The following DCHS1 variants were observed in gnomAD, a reference collection of about 807,000 sequenced individuals.
DCHS1 encodes protocadherin-16.
DCHS1 carries 78 observed loss-of-function variants against 213.9 expected under a neutral mutation model. That is an observed-to-expected ratio of 0.36 (90% CI 0.30 to 0.44). The LOEUF (loss-of-function observed/expected upper bound fraction) is 0.44. Among genes scored for constraint, DCHS1 ranks in the 20% least tolerant of loss-of-function variants. DCHS1 has a pLI of 1.00. For missense variants in DCHS1, 3,946 were observed against 4,395.9 expected (o/e 0.90, Z 2.89); for synonymous variants, 1,828 against 1,873.7 (o/e 0.98, Z 0.63).
chr11:6,622,243 C>T lies in DCHS1; in HGVS notation c.9433G>A (p.Gly3145Ser). ...CCGGCCACAATGGCTGTCAGCGCAC[C>T]TGCCACACATGGCTTGCCATCTGCT... ...FPADGKPCVAGALTAIVAGEE... is the reference protein window; with the variant it reads ...FPADGKPCVASALTAIVAGEE... Residue 3145 changes from glycine to serine, a missense_variant, in exon 21 of 21, where the codon GGT becomes AGT. Gly to Ser is a moderately conservative substitution (Grantham distance 56). This residue lies in a region of DCHS1 where 554 missense variants were observed against 590.2 expected (regional missense o/e 0.94). Transcript: ENST00000299441. This position sits in a 1 kb window ranked among gnomAD's most constrained non-coding sequence, Gnocchi z 5.4. 6.2e-7 allele frequency: 1 copy of T among 1,602,938 alleles called. No individual in the cohort carries two copies. The highest frequency in any genetic ancestry group is 1.1e-5 in the South Asian group (1 of 89,646).
In DCHS1 at chr11:6,640,259, A is replaced by T. The variant is rs749895104; in HGVS notation, c.1355T>A (p.Leu452Gln). 6.2e-7 allele frequency: 1 copy of T among 1,610,504 alleles called. No homozygotes were observed. Among genetic ancestry groups the T allele is most frequent in the Non-Finnish European group, 8.5e-7 (1 of 1,178,352 alleles). ...VTATDSGSPP[L>Q]RAEAAFVLHV... ...CAGCACAAAGGCAGCCTCAGCCCGC[A>T]GTGGAGGTGAGCCTGAGTCTGTGGC... is the stretch of plus-strand genomic sequence containing the variant. The change falls in exon 2 of 21, where the codon CTG becomes CAG. Residue 452 changes from leucine to glutamine, a missense_variant. Physicochemically the swap from Leu to Gln is moderately radical, Grantham distance 113 (BLOSUM62 -2). Around this residue, in one of 3 missense-constraint regions of DCHS1, gnomAD observed 3,384 missense variants for 3,780.1 expected, o/e 0.90. Transcript: ENST00000299441. The surrounding 1 kb of genome is among the most constrained non-coding windows in gnomAD (Gnocchi z 6.5).
chr11:6,627,445 G>A lies in DCHS1; in HGVS notation c.5594C>T (p.Pro1865Leu), dbSNP rs772410650. The A allele has an allele frequency of 2.4e-5, 38 of 1,610,668 alleles. No individual in the cohort carries two copies. Among genetic ancestry groups the A allele is most frequent in the South Asian group, 3.3e-5 (3 of 90,472 alleles). ...CAGGGTCCCTGCAGGCACATCCTCCGGCACCTCCACCGAGTAGGCAGGCAC... is the reference window on the plus strand; with the variant it reads ...CAGGGTCCCTGCAGGCACATCCTCCAGCACCTCCACCGAGTAGGCAGGCAC... ...FPVPAYSVEV[P>L]EDVPAGTLLL... The change falls in exon 14 of 21, where the codon CCG becomes CTG. Residue 1865 changes from proline to leucine, a missense_variant. Physicochemically the swap from Pro to Leu is moderately conservative, Grantham distance 98. Around this residue, in one of 3 missense-constraint regions of DCHS1, gnomAD observed 3,384 missense variants for 3,780.1 expected, o/e 0.90. Transcript: ENST00000299441. This position sits in a 1 kb window ranked among gnomAD's most constrained non-coding sequence, Gnocchi z 5.4.
intron 1 of DCHS1, among the ~76,000 whole-genome samples, chr11:6,643,430 G>T (rs2659864): frequency 0.63 from 96,096 of 151,942 alleles, 30,495 homozygotes; most frequent in East Asian, 0.78. Context: ...GCGGCCACCT[G>T]TTTATCTTCC....
Position 6,639,812 on chromosome 11 carries a change from C to A in DCHS1, c.1797+5G>T. The A allele has an allele frequency of 6.3e-7, 1 of 1,584,388 alleles. No homozygotes were observed. The highest frequency in any genetic ancestry group is 1.2e-5 in the South Asian group (1 of 86,208). ...ACTATCTTGCTATGTGCCAGGCCTA[C>A]CCACCTGCAGGAAGCAAGTTCCAGG... On this transcript the variant is annotated splice_donor_5th_base_variant and intron_variant, in intron 2 of 20. Transcript: ENST00000299441.
intron 2 of DCHS1, among the ~76,000 whole-genome samples, chr11:6,635,557 G>A (rs1007815176): frequency 4.6e-5 from 7 of 152,110 alleles, no homozygotes; most frequent in African/African-American, 1.7e-4. Context: ...TCTGATTGTG[G>A]CCCAGACCCT....
Position 6,626,570 on chromosome 11 carries a change from A to G in DCHS1, c.6346T>C (p.Ser2116Pro). The G allele has an allele frequency of 6.2e-7, 1 of 1,613,974 alleles. No individual in the cohort carries two copies. Among genetic ancestry groups the G allele is most frequent in the Non-Finnish European group, 8.5e-7 (1 of 1,179,894 alleles). The change falls in exon 15 of 21, where the codon TCC (serine) becomes CCC (proline). Residue 2116 changes from serine to proline, a missense_variant. Coordinates refer to ENST00000299441, the MANE Select transcript of DCHS1 (RefSeq NM_003737.4). The surrounding 1 kb of genome is among the most constrained non-coding windows in gnomAD (Gnocchi z 5.2). ...TTCTTACCTGTACTAGGCTGGATGG[A>G]GAATGTCCCTTTCTCATTCCCACTG... Reference protein sequence around the residue: ...ILSGNEKGTFSIQPSTGAITV... With the variant: ...ILSGNEKGTFPIQPSTGAITV...
In DCHS1 at chr11:6,632,896, G is replaced by C; in HGVS notation, c.2616C>G (p.Pro872=). The C allele has an allele frequency of 6.2e-7, 1 of 1,613,994 alleles. No individual in the cohort carries two copies. Among genetic ancestry groups the C allele is most frequent in the Non-Finnish European group, 8.5e-7 (1 of 1,179,896 alleles). Residue 872 remains proline (P), a synonymous_variant, in exon 6 of 21, where the codon CCC becomes CCG. Coordinates refer to ENST00000299441, the MANE Select transcript of DCHS1 (RefSeq NM_003737.4). This position sits in a 1 kb window ranked among gnomAD's most constrained non-coding sequence, Gnocchi z 5.9. ...ELEVRAGSGV[P]PAFAVARVRV... is the part of the protein sequence containing the mutation. ...GCACCCGAGCTACAGCGAAAGCTGG[G>C]GGCACTCCACTGCCTGCTCGCACCT...
chr11:6,647,403 C>T (rs974563546), intron 1 of DCHS1, among the ~76,000 whole-genome samples: 3 of 152,084 alleles, frequency 2.0e-5, no homozygotes, highest in East Asian at 3.9e-4. Context: ...AACTAGCTTC[C>T]CTGGATATCC....
Position 6,648,658 on chromosome 11 carries a change from T to G in DCHS1, c.-121+6905A>C, listed in dbSNP as rs541578042. ...AGGCAGGACAGGATAGTGGTTAAGA[T>G]GCAGACTCCAGGGCCAAGCCAGCTG... On this transcript the variant is annotated intron_variant, in intron 1 of 20. Transcript: ENST00000299441. Among the ~76,000 whole-genome samples the G allele has an allele frequency of 2.7e-4, 41 of 152,318 alleles. No individual in the cohort carries two copies. The South Asian group carries it at 8.1e-3, about 30-fold the overall frequency.
chr11:6,633,493 G>C lies in DCHS1; in HGVS notation c.2374C>G (p.Gln792Glu), dbSNP rs554882391. The change falls in exon 5 of 21, where the codon CAA (glutamine) becomes GAA (glutamate). Residue 792 changes from glutamine (Q) to glutamate (E), a missense_variant. Physicochemically the swap from Gln to Glu is conservative, Grantham distance 29. Around this residue, in one of 3 missense-constraint regions of DCHS1, gnomAD observed 3,384 missense variants for 3,780.1 expected, o/e 0.90. Coordinates refer to ENST00000299441, the MANE Select transcript of DCHS1 (RefSeq NM_003737.4). ...PGTPTPPIFE[Q>E]LQYVFSVPED... The stretch of plus-strand genomic sequence containing the variant: ...GGCACAGAAAAAACATACTGTAGTT[G>C]CTCAAATATGGGTGGTGTGGGGGTT... 6.3e-7 allele frequency: 1 copy of C among 1,580,738 alleles called. No homozygotes were observed. Among genetic ancestry groups the C allele is most frequent in the African/African-American group, 1.3e-5 (1 of 74,338 alleles).
Position 6,640,081 on chromosome 11 carries a change from G to A in DCHS1, c.1533C>T (p.Ser511=). 1 of 1,613,910 alleles carries A rather than the reference G, an allele frequency of 6.2e-7. No individual in the cohort carries two copies. Among genetic ancestry groups the A allele is most frequent in the Non-Finnish European group, 8.5e-7 (1 of 1,179,838 alleles). The part of the protein sequence containing the change: ...DQGTNGQVTY[S]LAPGAHTHWF... ...AGTGGGTGTGGGCGCCAGGGGCTAG[G>A]CTATAAGTGACCTGACCATTGGTGC... Residue 511 remains serine, a synonymous_variant, in exon 2 of 21, where the codon AGC becomes AGT. Coordinates refer to ENST00000299441, the MANE Select transcript of DCHS1 (RefSeq NM_003737.4). This position sits in a 1 kb window ranked among gnomAD's most constrained non-coding sequence, Gnocchi z 6.5.
intron 2 of DCHS1, among the ~76,000 whole-genome samples, chr11:6,637,913 T>C (rs1856008960): frequency 6.6e-6 from 1 of 152,050 alleles, no homozygotes; most frequent in Non-Finnish European, 1.5e-5. Flanking sequence ...AAATCAAACA[T>C]TAAGACTTCT....
chr11:6,621,909 G>A lies in DCHS1; in HGVS notation c.9767C>T (p.Pro3256Leu). 1 of 1,613,230 alleles carries A rather than the reference G, an allele frequency of 6.2e-7. No homozygotes were observed. ...GCGAGCAGCCAGAGGAGACAGAGAG[G>A]GTGAGAAGCTGGGGGACATGGCAGC... ...SSAAMSPSFSPSLSPLAARSP... is the reference protein window; with the variant it reads ...SSAAMSPSFSLSLSPLAARSP... The change falls in exon 21 of 21, where the codon CCC becomes CTC. Residue 3256 changes from proline (P) to leucine (L), a missense_variant. Around this residue, in one of 3 missense-constraint regions of DCHS1, gnomAD observed 554 missense variants for 590.2 expected, o/e 0.94. Coordinates refer to ENST00000299441, the MANE Select transcript of DCHS1 (RefSeq NM_003737.4).
intron 1 of DCHS1, among the ~76,000 whole-genome samples, chr11:6,642,472 GA>G (rs1173898786): frequency 4.6e-5 from 7 of 152,148 alleles, no homozygotes; most frequent in African/African-American, 1.7e-4. Context: ...CCTAGGAAGT[GA>G]CATTAAAGTT....
In DCHS1 at chr11:6,640,457, G is replaced by A. The variant is rs1484126514; in HGVS notation, c.1157C>T (p.Ala386Val). The A allele has an allele frequency of 6.2e-7, 1 of 1,613,832 alleles. No homozygotes were observed. The highest frequency in any genetic ancestry group is 2.2e-5 in the East Asian group (1 of 44,886). Residue 386 changes from alanine (A) to valine (V), a missense_variant, in exon 2 of 21, where the codon GCT becomes GTT. By Grantham distance (64) the Ala-to-Val change is moderately conservative. Around this residue, in one of 3 missense-constraint regions of DCHS1, gnomAD observed 3,384 missense variants for 3,780.1 expected, o/e 0.90. Transcript: ENST00000299441. This position sits in a 1 kb window ranked among gnomAD's most constrained non-coding sequence, Gnocchi z 6.5. The stretch of plus-strand genomic sequence containing the variant: ...ATCTGGGTCTGACACAGAGATGCGA[G>A]CAACGAGCTGTCCAGGTGGGGCGGC... Reference protein sequence around the residue: ...SEAAPPGQLVARISVSDPDDG... With the variant: ...SEAAPPGQLVVRISVSDPDDG...
chr11:6,640,483 C>T lies in DCHS1; in HGVS notation c.1131G>A (p.Glu377=). The T allele has an allele frequency of 6.2e-7, 1 of 1,613,558 alleles. No homozygotes were observed. The highest frequency in any genetic ancestry group is 8.5e-7 in the Non-Finnish European group (1 of 1,179,880). Residue 377 remains glutamate, a synonymous_variant, in exon 2 of 21, where the codon GAG becomes GAA. Transcript: ENST00000299441. The surrounding 1 kb of genome is among the most constrained non-coding windows in gnomAD (Gnocchi z 6.5). ...LSADGSPQVS[E]AAPPGQLVAR... ...CAACGAGCTGTCCAGGTGGGGCGGC[C>T]TCAGACACTTGGGGGGAGCCATCTG...
chr11:6,628,544 G>A lies in DCHS1; in HGVS notation c.5371+77C>T. ...AAAAGGAGACCCAGACACATGCACT[G>A]AGGCTGACAGCAGCCAAGAAGGAGC... is the stretch of plus-strand genomic sequence containing the variant. On this transcript the variant is annotated intron_variant, in intron 13 of 20. Transcript: ENST00000299441. The surrounding 1 kb of genome is among the most constrained non-coding windows in gnomAD (Gnocchi z 4.3). 6.5e-7 allele frequency: 1 copy of A among 1,530,262 alleles called. No individual in the cohort carries two copies. Among genetic ancestry groups the A allele is most frequent in the South Asian group, 1.1e-5 (1 of 88,886 alleles). The allele number at this position is 1,530,262 out of a possible 1,614,324, so 94.8% of individuals were successfully genotyped here. A position where few individuals can be genotyped will look rare whatever the true frequency, so the allele number is the denominator to read the frequency against.
chr11:6,621,549 C>G lies in DCHS1; in HGVS notation c.*230G>C. 1 of 681,914 alleles carries G rather than the reference C, an allele frequency of 1.5e-6. No individual in the cohort carries two copies. Among genetic ancestry groups the G allele is most frequent in the African/African-American group, 1.8e-5 (1 of 56,972 alleles). 42.2% of individuals were successfully genotyped at this position (681,914 alleles called of 1,614,324 possible). ...ACTGAGGAGAACCCAGGGCTGCTACCTCCTTCATATTTCTCCCCACATTGG... is the reference window on the plus strand; with the variant it reads ...ACTGAGGAGAACCCAGGGCTGCTACGTCCTTCATATTTCTCCCCACATTGG... On this transcript the variant is annotated 3_prime_UTR_variant, in exon 21 of 21. Coordinates refer to ENST00000299441, the MANE Select transcript of DCHS1 (RefSeq NM_003737.4).
rs1855709488 is a variant in DCHS1, at chr11:6,622,341, G to A, written c.9335C>T (p.Pro3112Leu). ...CAGGAAGGCTGTGGCAGTGGCTGGG[G>A]GCCCCTCCTCTCTGTAGAGAGTGGC... The part of the protein sequence containing the change: ...AGATLYREEG[P>L]PATATAFLGG... The change falls in exon 21 of 21, where the codon CCC (proline) becomes CTC (leucine). Residue 3112 changes from proline (P) to leucine (L), a missense_variant. Physicochemically the swap from Pro to Leu is moderately conservative, Grantham distance 98. Transcript: ENST00000299441. The surrounding 1 kb of genome is among the most constrained non-coding windows in gnomAD (Gnocchi z 5.4). 6.3e-7 allele frequency: 1 copy of A among 1,598,550 alleles called. No individual in the cohort carries two copies. The highest frequency in any genetic ancestry group is 8.5e-7 in the Non-Finnish European group (1 of 1,173,002).
Sources: gnomAD v4.1 joint callset for allele counts (sites outside exome capture counted in the v4.1 genomes callset) on GRCh38, gnomAD v4.1.1 for gene constraint, gnomAD v4.1.1 regional missense constraint, Gnocchi (gnomAD v3.1) non-coding constraint, MANE v1.5 for transcripts, NCBI Gene and HGNC (gene_info 2026-07-23, HGNC 2026-07-21) for gene names.